FARS2: variants seen among roughly 807,000 people sequenced by gnomAD.
FARS2 encodes phenylalanyl-tRNA synthetase 2, mitochondrial.
A neutral mutation model predicts 46.4 loss-of-function variants in FARS2; 40 were observed. The ratio of observed to expected loss-of-function variants is 0.86; its 90% CI spans 0.67 to 1.12. The LOEUF (loss-of-function observed/expected upper bound fraction) is 1.12, where lower values mean the gene tolerates loss of function less well. FARS2 is among the 50% of genes most tolerant of loss of function. FARS2 has a pLI of 0.00. For missense variants in FARS2, 513 were observed against 567.9 expected (o/e 0.90, Z 0.98); for synonymous variants, 234 against 214.9 (o/e 1.09, Z -0.78).
intron 5 of FARS2, among the ~76,000 whole-genome samples, chr6:5,590,720 C>T (rs1773866724): frequency 6.6e-6 from 1 of 152,146 alleles, no homozygotes; most frequent in African/African-American, 2.4e-5. Context: ...TGAAGCTGGC[C>T]AGCACTTTAA....
chr6:5,540,396 G>C (rs1770549299), intron 4 of FARS2, among the ~76,000 whole-genome samples: 1 of 152,220 alleles, frequency 6.6e-6, no homozygotes, highest in Non-Finnish European at 1.5e-5. Context: ...AGCAAGCAAT[G>C]AATGAAGCAT....
chr6:5,297,747 T>A (rs551577527), intron 1 of FARS2, among the ~76,000 whole-genome samples: 50 of 152,256 alleles, frequency 3.3e-4, no homozygotes, highest in Non-Finnish European at 6.6e-4. Context: ...TTCCTGCCTT[T>A]CCAAATTTAT....
At chr6:5,260,735 T>C (rs753941315), upstream of FARS2, 1 of 1,546,840 alleles carries the variant, frequency 6.5e-7, no homozygotes, top group Non-Finnish European at 8.7e-7. Context: ...GGCTGCCATT[T>C]TGGAAAGAAA....
intron 2 of FARS2, among the ~76,000 whole-genome samples, chr6:5,392,388 A>C: frequency 6.6e-6 from 1 of 152,094 alleles, no homozygotes. Context: ...TTTTACAGTT[A>C]TATTTTGGTC....
intron 1 of FARS2, among the ~76,000 whole-genome samples, chr6:5,293,114 C>A (rs1030907287): frequency 1.3e-5 from 2 of 152,194 alleles, no homozygotes; most frequent in African/African-American, 2.4e-5. Flanking sequence ...AGTGGTAGAG[C>A]AGAATCCAGA....
upstream of FARS2, chr6:5,260,885 G>A: frequency 7.1e-7 from 1 of 1,411,226 alleles, no homozygotes; most frequent in Non-Finnish European, 9.2e-7. Context: ...TAAGCGGGCA[G>A]CCCTGCGGAT....
intron 6 of FARS2, among the ~76,000 whole-genome samples, chr6:5,746,312 C>T (rs968927795): frequency 6.6e-6 from 1 of 152,092 alleles, no homozygotes; most frequent in African/African-American, 2.4e-5. Flanking sequence ...TTTTAAAGAG[C>T]GTGTGTCTGT....
At chr6:5,405,481 T>TTTTTTTTG (rs1761525247) in intron 3 of FARS2, among the ~76,000 whole-genome samples, 1 of 52,044 alleles carries the variant, frequency 1.9e-5, no homozygotes, top group African/African-American at 8.9e-5. Context: ...AGCAAGGTTC[T>TTTTTTTTG]TTTTTTTTTT....
intron 5 of FARS2, among the ~76,000 whole-genome samples, chr6:5,612,867 G>C (rs1775263944): frequency 1.3e-5 from 2 of 152,048 alleles, no homozygotes; most frequent in Admixed American, 6.6e-5. Context: ...ATTCAAATGG[G>C]AAAAACAGAA....
intron 3 of FARS2, among the ~76,000 whole-genome samples, chr6:5,405,487 T>A (rs1761526073): frequency 1.6e-5 from 2 of 127,768 alleles, no homozygotes; most frequent in East Asian, 4.3e-4. Flanking sequence ...GTTCTTTTTT[T>A]TTTTTTTTTT....
chr6:5,595,419 A>G (rs1250406598), intron 5 of FARS2, among the ~76,000 whole-genome samples: 1 of 152,096 alleles, frequency 6.6e-6, no homozygotes, highest in Non-Finnish European at 1.5e-5. Context: ...CCTTCTCCCC[A>G]TTTCCTGTGT....
In FARS2 at chr6:5,286,908, G is replaced by C. The variant is rs545805577; in HGVS notation, c.-22+25248G>C. Among the ~76,000 whole-genome samples the C allele has an allele frequency of 3.3e-5, 5 of 152,312 alleles. No individual in the cohort carries two copies. The South Asian group carries it at 8.3e-4, about 25-fold the overall frequency. ...CTGAGAGTGAGAAACTCCTCCCGGG[G>C]CATGTTCGCCTCTGAACCCGTAGTG... On this transcript the variant is annotated intron_variant, in intron 1 of 6. Transcript: ENST00000274680.
intron 6 of FARS2, among the ~76,000 whole-genome samples, chr6:5,643,660 AG>A (rs1168380801): frequency 1.3e-5 from 2 of 151,982 alleles, no homozygotes; most frequent in East Asian, 1.9e-4. Flanking sequence ...TCTGTACTGG[AG>A]GGGGGTTTGG....
At chr6:5,540,387 G>A (rs935166720) in intron 4 of FARS2, among the ~76,000 whole-genome samples, 1 of 152,228 alleles carries the variant, frequency 6.6e-6, no homozygotes, top group Non-Finnish European at 1.5e-5. Flanking sequence ...TCAGTGTCTA[G>A]CAAGCAATGA....
At chr6:5,577,296 T>A (rs1448980222) in intron 5 of FARS2, among the ~76,000 whole-genome samples, 1 of 152,170 alleles carries the variant, frequency 6.6e-6, no homozygotes, top group East Asian at 1.9e-4. Context: ...GATTATTAGA[T>A]TAGAATCCAA....
At chr6:5,260,598 T>TGCCCCGGG, upstream of FARS2, 39 of 1,105,524 alleles carry the variant, frequency 3.5e-5, no homozygotes, top group Non-Finnish European at 4.5e-5. Context: ...GCACCCCCGG[T>TGCCCCGGG]CCCCGGCCCC....
chr6:5,331,877 G>A (rs1244785875), intron 1 of FARS2, among the ~76,000 whole-genome samples: 1 of 152,130 alleles, frequency 6.6e-6, no homozygotes, highest in African/African-American at 2.4e-5. Context: ...CGACATTGCT[G>A]AGATCATTTA....
At chr6:5,679,525 C>A (rs909636) in intron 6 of FARS2, among the ~76,000 whole-genome samples, 137,462 of 152,222 alleles carry the variant, frequency 0.9, 62,863 homozygotes, top group East Asian at 1. Flanking sequence ...GTCAACACTC[C>A]CTGGGTTGTT....
At chr6:5,495,145 A>G (rs1767377332) in intron 4 of FARS2, among the ~76,000 whole-genome samples, 1 of 152,150 alleles carries the variant, frequency 6.6e-6, no homozygotes, top group Admixed American at 6.5e-5. Flanking sequence ...TCCTTTTCCA[A>G]TTATAGAAAC....
Sources: gnomAD v4.1 joint callset for allele counts (sites outside exome capture counted in the v4.1 genomes callset) on GRCh38, gnomAD v4.1.1 for gene constraint, MANE v1.5 for transcripts, NCBI Gene and HGNC (gene_info 2026-07-23, HGNC 2026-07-21) for gene names.